GAREM1: variants seen among roughly 807,000 people sequenced by gnomAD.
The protein encoded by GAREM1 is GRB2-associated and regulator of MAPK protein 1.
Under a neutral mutation model 71.3 loss-of-function variants are expected in GAREM1, and 26 were observed. The ratio of observed to expected loss-of-function variants is 0.36; its 90% CI spans 0.27 to 0.51. GAREM1 has a LOEUF of 0.51. Ranked by LOEUF, GAREM1 falls within the 20% of genes least tolerant of loss-of-function variation. The pLI, the probability that GAREM1 is intolerant of heterozygous loss-of-function variation, is 0.95. For synonymous variants in GAREM1, 440 were observed against 433.2 expected, an observed-to-expected ratio of 1.02 and a Z score of -0.20; for missense variants, 1,026 against 1,103.1, an observed-to-expected ratio of 0.93 and a Z score of 0.99.
At chr18:32,358,130 C>G (rs1023623392) in intron 2 of GAREM1, among the ~76,000 whole-genome samples, 5 of 118,106 alleles carry the variant, frequency 4.2e-5, no homozygotes, top group South Asian at 3.5e-4. Context: ...GCCCACCCCC[C>G]ACCCCGAGTA....
chr18:32,411,096 C>G (rs200740746), intron 1 of GAREM1, among the ~76,000 whole-genome samples: 2 of 152,210 alleles, frequency 1.3e-5, no homozygotes, highest in Admixed American at 6.5e-5. Context: ...AGCCACCGTG[C>G]CTGGTGACTT....
At chr18:32,342,953 A>T (rs978673752) in intron 2 of GAREM1, among the ~76,000 whole-genome samples, 1 of 152,206 alleles carries the variant, frequency 6.6e-6, no homozygotes, top group African/African-American at 2.4e-5. Context: ...ACCAGTTTAT[A>T]GATGAAATAA....
chr18:32,451,254 C>T (rs934341527), intron 1 of GAREM1, among the ~76,000 whole-genome samples: 1 of 149,912 alleles, frequency 6.7e-6, no homozygotes, highest in Non-Finnish European at 1.5e-5. Context: ...CCCATCCCCC[C>T]ACCCCCAAGC....
In GAREM1 at chr18:32,287,360, A is replaced by C. The variant is rs751199855; in HGVS notation, c.1237T>G (p.Trp413Gly). The change falls in exon 4 of 6, where the codon TGG becomes GGG. Residue 413 changes from tryptophan to glycine, a missense_variant. Physicochemically the swap from Trp to Gly is radical, Grantham distance 184. Transcript: ENST00000269209. This position sits in a 1 kb window ranked among gnomAD's most constrained non-coding sequence, Gnocchi z 5.9. Reference sequence around the variant, plus strand: ...AGGATGTCATGAGGAAAGGGAGCCCAATCTCCCCCCAGGTCCCTGCAACCA... The same window carrying C: ...AGGATGTCATGAGGAAAGGGAGCCCCATCTCCCCCCAGGTCCCTGCAACCA... ...LHGCRDLGGD[W>G]APFPHDILPY... The C allele has an allele frequency of 9.3e-6, 15 of 1,614,190 alleles. No individual in the cohort carries two copies. The highest frequency in any genetic ancestry group is 3.3e-4 in the Middle Eastern group (2 of 6,062).
intron 1 of GAREM1, among the ~76,000 whole-genome samples, chr18:32,437,717 C>T (rs6506968): frequency 0.22 from 32,941 of 151,724 alleles, 4,221 homozygotes; most frequent in East Asian, 0.38. Flanking sequence ...CTTTCAAACA[C>T]GAGAAAATGG....
intron 3 of GAREM1, among the ~76,000 whole-genome samples, chr18:32,306,620 C>G (rs143690480): frequency 1.3e-5 from 2 of 152,274 alleles, no homozygotes; most frequent in African/African-American, 4.8e-5. Context: ...TGGCTTCAAA[C>G]GTCTTCCAGA....
chr18:32,317,006 G>A (rs1229945993), intron 2 of GAREM1, among the ~76,000 whole-genome samples: 1 of 152,158 alleles, frequency 6.6e-6, no homozygotes, highest in Non-Finnish European at 1.5e-5. Flanking sequence ...GAGCAGCTGT[G>A]CTCCAGAAAA....
intron 1 of GAREM1, among the ~76,000 whole-genome samples, chr18:32,409,457 A>G (rs1471949934): frequency 6.6e-6 from 1 of 152,210 alleles, no homozygotes; most frequent in Non-Finnish European, 1.5e-5. Flanking sequence ...GTTTACTGTG[A>G]AATCCCAGCA....
chr18:32,282,853 A>G (rs2046968752), intron 4 of GAREM1, among the ~76,000 whole-genome samples: 2 of 152,236 alleles, frequency 1.3e-5, no homozygotes, highest in Non-Finnish European at 2.9e-5. Flanking sequence ...AAGAGGGGGA[A>G]AAGAAGATTG....
intron 1 of GAREM1, among the ~76,000 whole-genome samples, chr18:32,469,892 G>GA (rs1346460789): frequency 6.6e-6 from 1 of 152,136 alleles, no homozygotes; most frequent in African/African-American, 2.4e-5. Context: ...GGGGATGGGG[G>GA]AGATAGGGAG....
chr18:32,372,346 C>T (rs1251309429), intron 2 of GAREM1, among the ~76,000 whole-genome samples: 1 of 152,192 alleles, frequency 6.6e-6, no homozygotes, highest in East Asian at 1.9e-4. Flanking sequence ...AAACCCAATG[C>T]TTCTATGTGA....
intron 1 of GAREM1, among the ~76,000 whole-genome samples, chr18:32,447,553 A>T (rs1225479390): frequency 6.6e-6 from 1 of 152,152 alleles, no homozygotes. Flanking sequence ...ATCGCATCAT[A>T]ACAATGTAGT....
At position 32,265,915 on chromosome 18, in the gene GAREM1, C is replaced by A. The variant is rs1050112797; in HGVS notation, c.*1956G>T. The A allele has an allele frequency of 6.6e-6, 1 of 152,142 alleles. No individual in the cohort carries two copies. Among genetic ancestry groups the A allele is most frequent in the African/African-American group, 2.4e-5 (1 of 41,428 alleles). The allele number at this position is 152,142 out of a possible 1,614,324, so 9.4% of individuals were successfully genotyped here. A position where few individuals can be genotyped will look rare whatever the true frequency, so the allele number is the denominator to read the frequency against. On this transcript the variant is annotated 3_prime_UTR_variant, in exon 6 of 6. Coordinates refer to ENST00000269209, the MANE Select transcript of GAREM1 (RefSeq NM_001242409.2). Reference sequence around the variant, plus strand: ...TTAAAAAGAAGTTCTGAGAGGTTTACTTTACTAAGGGAGGCAGTCCCCCTC... The same window carrying A: ...TTAAAAAGAAGTTCTGAGAGGTTTAATTTACTAAGGGAGGCAGTCCCCCTC...
intron 2 of GAREM1, among the ~76,000 whole-genome samples, chr18:32,385,253 G>A (rs1040937057): frequency 6.7e-6 from 1 of 150,284 alleles, no homozygotes; most frequent in African/African-American, 2.5e-5. Flanking sequence ...TTTCCCTTTA[G>A]TACAAAATAT....
Position 32,265,007 on chromosome 18 carries a change from C to T in GAREM1, c.*2864G>A, listed in dbSNP as rs2041353927. 1 of 150,916 alleles carries T rather than the reference C, an allele frequency of 6.6e-6. No homozygotes were observed. The highest frequency in any genetic ancestry group is 2.4e-5 in the African/African-American group (1 of 40,924). 9.3% of individuals were successfully genotyped at this position (150,916 alleles called of 1,614,324 possible). Reference sequence around the variant, plus strand: ...TCTGTGTGTGGATCTCTGGGCATCACTTTTCACTGCAGAATCGCAGGGAAG... The same window carrying T: ...TCTGTGTGTGGATCTCTGGGCATCATTTTTCACTGCAGAATCGCAGGGAAG... On this transcript the variant is annotated 3_prime_UTR_variant, in exon 6 of 6. Coordinates refer to ENST00000269209, the MANE Select transcript of GAREM1 (RefSeq NM_001242409.2).
chr18:32,299,136 A>T (rs531145340), intron 3 of GAREM1, among the ~76,000 whole-genome samples: 1 of 152,282 alleles, frequency 6.6e-6, no homozygotes, highest in East Asian at 1.9e-4. Flanking sequence ...TATCCAATTT[A>T]TCATTCTGAA....
At chr18:32,424,729 T>C (rs1243313656) in intron 1 of GAREM1, among the ~76,000 whole-genome samples, 1 of 152,222 alleles carries the variant, frequency 6.6e-6, no homozygotes, top group African/African-American at 2.4e-5. Flanking sequence ...CATGGCTTTA[T>C]ATTGCTATCA....
At position 32,312,140 on chromosome 18, in the gene GAREM1, T is replaced by G. The variant is rs144545275; in HGVS notation, c.263-1817A>C. On this transcript the variant is annotated intron_variant, in intron 2 of 5. Coordinates refer to ENST00000269209, the MANE Select transcript of GAREM1 (RefSeq NM_001242409.2). Reference sequence around the variant, plus strand: ...CACGCAAACAGAGATGTTCAAAAAGTTCTTAGACACCGAAGTGTGGAGGTC... The same window carrying G: ...CACGCAAACAGAGATGTTCAAAAAGGTCTTAGACACCGAAGTGTGGAGGTC... Among the ~76,000 whole-genome samples, 445 of 152,334 alleles carry G rather than the reference T, an allele frequency of 2.9e-3. 3 individuals carry two copies. Among genetic ancestry groups the G allele is most frequent in the African/African-American group, 0.01 (432 of 41,584 alleles).
chr18:32,398,056 G>A (rs1213471415), intron 1 of GAREM1, among the ~76,000 whole-genome samples: 2 of 152,292 alleles, frequency 1.3e-5, no homozygotes, highest in African/African-American at 4.8e-5. Flanking sequence ...ACCTGCTCCT[G>A]AATGACTACT....
Sources: gnomAD v4.1 joint callset for allele counts (sites outside exome capture counted in the v4.1 genomes callset) on GRCh38, gnomAD v4.1.1 for gene constraint, Gnocchi (gnomAD v3.1) non-coding constraint, MANE v1.5 for transcripts, NCBI Gene and HGNC (gene_info 2026-07-23, HGNC 2026-07-21) for gene names.